NKAIN2: variants seen among roughly 807,000 people sequenced by gnomAD.
The protein encoded by NKAIN2 is sodium/potassium-transporting ATPase subunit beta-1-interacting protein 2.
In NKAIN2, 14 loss-of-function variants were observed where a neutral mutation model predicts 32.6. The ratio of observed to expected loss-of-function variants is 0.43; its 90% confidence interval spans 0.28 to 0.67. The LOEUF (loss-of-function observed/expected upper bound fraction) is 0.67. Among genes scored for constraint, NKAIN2 ranks in the 30% least tolerant of loss-of-function variants. The pLI, the probability that NKAIN2 is intolerant of heterozygous loss-of-function variation, is 0.17. For missense variants in NKAIN2, 198 were observed against 258.3 expected (o/e 0.77, Z 1.60); for synonymous variants, 80 against 87.2 (o/e 0.92, Z 0.46).
chr6:123,839,407 C>T (rs1279404939), intron 1 of NKAIN2, among the ~76,000 whole-genome samples: 1 of 152,096 alleles, frequency 6.6e-6, no homozygotes, highest in East Asian at 1.9e-4. Context: ...ATGTGATTAG[C>T]AGACAATCTT....
intron 1 of NKAIN2, among the ~76,000 whole-genome samples, chr6:123,946,877 A>G (rs1020265507): frequency 1.3e-5 from 2 of 152,188 alleles, no homozygotes; most frequent in African/African-American, 4.8e-5. Flanking sequence ...ATGAACAGAC[A>G]TCAGGCAGAG....
In NKAIN2 at chr6:124,437,029, A is replaced by G. The variant is rs186085877; in HGVS notation, c.273+81682A>G. On this transcript the variant is annotated intron_variant, in intron 3 of 6. Transcript: ENST00000368417. ...TTCACTTTTGGTTTCTGTCCTTCGA[A>G]TGCCTTTCCTCTGGAACATATGCAT... is the stretch of plus-strand genomic sequence containing the variant. Among the ~76,000 whole-genome samples, 20 of 152,198 alleles carry G rather than the reference A, an allele frequency of 1.3e-4. No homozygotes were observed. In the East Asian group the frequency reaches 3.7e-3, roughly 28 times the overall value.
chr6:124,231,875 T>C (rs997389651), intron 1 of NKAIN2, among the ~76,000 whole-genome samples: 1 of 146,786 alleles, frequency 6.8e-6, no homozygotes, highest in African/African-American at 2.4e-5. Flanking sequence ...ATATATATAC[T>C]TGCACATATA....
chr6:124,573,904 T>C (rs889162546), intron 3 of NKAIN2, among the ~76,000 whole-genome samples: 1 of 152,178 alleles, frequency 6.6e-6, no homozygotes, highest in African/African-American at 2.4e-5. Flanking sequence ...CCAGTTTGGA[T>C]AATCAAGAAA....
chr6:124,800,468 G>C (rs1221181078), intron 5 of NKAIN2, among the ~76,000 whole-genome samples: 1 of 152,204 alleles, frequency 6.6e-6, no homozygotes, highest in African/African-American at 2.4e-5. Flanking sequence ...CGCTATGACT[G>C]GTTGGCGTTG....
chr6:124,718,112 A>G (rs1237610643), intron 4 of NKAIN2, among the ~76,000 whole-genome samples: 1 of 152,158 alleles, frequency 6.6e-6, no homozygotes, highest in African/African-American at 2.4e-5. Context: ...ATTCACCAAA[A>G]CAAAGGTTGA....
chr6:123,969,088 G>A (rs1168172462), intron 1 of NKAIN2, among the ~76,000 whole-genome samples: 1 of 152,070 alleles, frequency 6.6e-6, no homozygotes, highest in African/African-American at 2.4e-5. Context: ...TCCCACCACT[G>A]AAAAATAATT....
chr6:124,284,530 G>T (rs1795455037), intron 2 of NKAIN2, among the ~76,000 whole-genome samples: 1 of 151,712 alleles, frequency 6.6e-6, no homozygotes, highest in Admixed American at 6.6e-5. Context: ...AGACTTTGAG[G>T]TTCCTTCATG....
intron 1 of NKAIN2, among the ~76,000 whole-genome samples, chr6:124,197,334 A>C (rs1188664182): frequency 6.6e-6 from 1 of 150,800 alleles, no homozygotes; most frequent in Non-Finnish European, 1.5e-5. Flanking sequence ...TTTCCACCCC[A>C]CCAGCCTTAT....
At chr6:124,775,334 TG>T (rs1778940156) in intron 4 of NKAIN2, among the ~76,000 whole-genome samples, 1 of 152,168 alleles carries the variant, frequency 6.6e-6, no homozygotes, top group South Asian at 2.1e-4. Context: ...GCAGCTTTCT[TG>T]GGATGAAGCC....
chr6:124,206,599 A>C (rs895389871), intron 1 of NKAIN2, among the ~76,000 whole-genome samples: 5 of 151,806 alleles, frequency 3.3e-5, no homozygotes, highest in African/African-American at 9.7e-5. Context: ...TTCCCCCTGA[A>C]CTTGAATCAT....
intron 4 of NKAIN2, among the ~76,000 whole-genome samples, chr6:124,766,364 T>C (rs1583823678): frequency 6.6e-6 from 1 of 152,052 alleles, no homozygotes; most frequent in Admixed American, 6.5e-5. Context: ...GGTACAAGGG[T>C]AAGAAGTCCT....
At chr6:124,335,550 A>G (rs1797828687) in intron 2 of NKAIN2, among the ~76,000 whole-genome samples, 1 of 152,198 alleles carries the variant, frequency 6.6e-6, no homozygotes, top group African/African-American at 2.4e-5. Context: ...ATGAGAGGAA[A>G]CCACTTATTT....
intron 1 of NKAIN2, among the ~76,000 whole-genome samples, chr6:124,252,960 C>T (rs187335075): frequency 4.0e-4 from 61 of 152,266 alleles, no homozygotes; most frequent in African/African-American, 1.4e-3. Context: ...TTTATAAAAG[C>T]ATATCCCTTT....
At chr6:124,460,761 C>A (rs1263359867) in intron 3 of NKAIN2, among the ~76,000 whole-genome samples, 1 of 151,628 alleles carries the variant, frequency 6.6e-6, no homozygotes, top group Non-Finnish European at 1.5e-5. Flanking sequence ...TTATGTCTTT[C>A]TTCAGCTCTG....
intron 1 of NKAIN2, among the ~76,000 whole-genome samples, chr6:124,126,434 T>C (rs1213801394): frequency 6.6e-6 from 1 of 152,180 alleles, no homozygotes; most frequent in Non-Finnish European, 1.5e-5. Context: ...ACTGAGAAAA[T>C]TGAAGGTATT....
At chr6:123,976,241 G>T (rs1175201145) in intron 1 of NKAIN2, among the ~76,000 whole-genome samples, 2 of 124,724 alleles carry the variant, frequency 1.6e-5, no homozygotes, top group African/African-American at 6.1e-5. Flanking sequence ...CCAGACAATA[G>T]CAAGAACATA....
Position 124,453,355 on chromosome 6 carries a change from A to ACACACACACACG in NKAIN2, c.273+98019_273+98020insGCACACACACAC, listed in dbSNP as rs1554210274. 8.3e-4 allele frequency among the ~76,000 whole-genome samples: 114 copies of ACACACACACACG among 136,762 alleles called. 3 individuals are homozygous for ACACACACACACG. Among genetic ancestry groups the ACACACACACACG allele is most frequent in the African/African-American group, 2.5e-3 (90 of 36,578 alleles). The allele number at this position is 136,762 out of a possible 152,430, so 89.7% of individuals were successfully genotyped here. ...CACACACACACACACACACACACAC[A>ACACACACACACG]CACACACACACACAGTTCTGAGGTC... On this transcript the variant is annotated intron_variant, in intron 3 of 6. Transcript: ENST00000368417.
rs922625272 is a variant in NKAIN2, at chr6:124,684,068, G to T, written c.474+25682G>T. ...ATTCTTTCTTGAGGATTCAGCTAAA[G>T]ATTTTTTCTTAGTGATATAATATGG... On this transcript the variant is annotated intron_variant, in intron 4 of 6. Coordinates refer to ENST00000368417, the MANE Select transcript of NKAIN2 (RefSeq NM_001040214.3). Among the ~76,000 whole-genome samples, 4 of 152,128 alleles carry T rather than the reference G, an allele frequency of 2.6e-5. No homozygotes were observed. The East Asian group carries it at 7.7e-4, about 29-fold the overall frequency.
Sources: allele counts gnomAD v4.1 joint callset (sites outside exome capture counted in the v4.1 genomes callset), GRCh38; gene constraint gnomAD v4.1.1; transcripts MANE v1.5; gene names NCBI Gene and HGNC (gene_info 2026-07-23, HGNC 2026-07-21).